Variants in NLRC3 observed in about 807,000 individuals in gnomAD.
NLRC3 encodes the protein NLR family CARD domain-containing protein 3.
In NLRC3, 87 loss-of-function variants were observed where a neutral mutation model predicts 91.6. The observed-to-expected ratio is 0.95, with a 90% confidence interval of 0.80 to 1.14. NLRC3 has a LOEUF of 1.14. Among genes scored for constraint, NLRC3 ranks in the 50% most tolerant of loss-of-function variants. The pLI is 0.00. For synonymous variants in NLRC3, 694 were observed against 625.3 expected, an observed-to-expected ratio of 1.11 and a Z score of -1.64; for missense variants, 1,577 against 1,418.6, an observed-to-expected ratio of 1.11 and a Z score of -1.79.
At chr16:3,553,623 C>T (rs997818097) in intron 9 of NLRC3, among the ~76,000 whole-genome samples, 5 of 152,076 alleles carry the variant, frequency 3.3e-5, no homozygotes, top group South Asian at 2.1e-4. Context: ...CCCGATGCAC[C>T]GTGCAGTCAG....
chr16:3,573,862 A>T (rs1226212983), intron 1 of NLRC3, among the ~76,000 whole-genome samples: 1 of 152,132 alleles, frequency 6.6e-6, no homozygotes. Flanking sequence ...TTTGTTGCCC[A>T]GGCTGGAGTG....
chr16:3,549,796 G>A lies in NLRC3; in HGVS notation c.2436-16C>T, dbSNP rs1596448406. On this transcript the variant is annotated splice_polypyrimidine_tract_variant and intron_variant, in intron 11 of 19. Coordinates refer to ENST00000359128, the MANE Select transcript of NLRC3 (RefSeq NM_178844.4). ...GCTCTGCAGGCTGCGGAAAGAGGAG[G>A]CGCCCTGGGTGTGGCTGTCCCAGGA... 6.5e-7 allele frequency: 1 copy of A among 1,545,182 alleles called. No individual in the cohort carries two copies. Among genetic ancestry groups the A allele is most frequent in the African/African-American group, 1.4e-5 (1 of 72,910 alleles).
intron 7 of NLRC3, among the ~76,000 whole-genome samples, chr16:3,557,355 G>A (rs557155362): frequency 1.9e-4 from 29 of 152,312 alleles, no homozygotes; most frequent in Non-Finnish European, 3.7e-4. Context: ...CACCAGGAAG[G>A]CATGTGCGCT....
chr16:3,555,406 C>G (rs534672750), intron 8 of NLRC3, among the ~76,000 whole-genome samples: 3 of 151,930 alleles, frequency 2.0e-5, no homozygotes, highest in Non-Finnish European at 4.4e-5. Flanking sequence ...AGATGGGAAG[C>G]AGATTGGTGA....
chr16:3,568,075 G>C (rs1348366010), intron 1 of NLRC3, among the ~76,000 whole-genome samples: 1 of 152,036 alleles, frequency 6.6e-6, no homozygotes, highest in Non-Finnish European at 1.5e-5. Flanking sequence ...CTTGCTCACC[G>C]GGCTGGTCTT....
intron 5 of NLRC3, 71 bp downstream of exon 5, chr16:3,562,938 G>T: frequency 7.5e-7 from 1 of 1,339,076 alleles, no homozygotes; most frequent in Non-Finnish European, 1.0e-6. Context: ...AAGCTTGGTG[G>T]TGGGGAGGGG....
In NLRC3 at chr16:3,563,366, C is replaced by A. The variant is rs764123592; in HGVS notation, c.1571G>T (p.Arg524Met). 6.3e-7 allele frequency: 1 copy of A among 1,587,790 alleles called. No homozygotes were observed. Among genetic ancestry groups the A allele is most frequent in the East Asian group, 2.3e-5 (1 of 43,552 alleles). The change falls in exon 5 of 20, where the codon AGG (arginine) becomes ATG (methionine). Residue 524 changes from arginine to methionine, a missense_variant. Arg to Met is a moderately conservative substitution (Grantham distance 91). Coordinates refer to ENST00000359128, the MANE Select transcript of NLRC3 (RefSeq NM_178844.4). ...GGAGCCGGCCAGGAGGGCATTGACC[C>A]TCGGAGACAAGAGGCCGGAGAGGAA... ...LRFLSGLLSP[R>M]VNALLAGSLL... is the part of the protein sequence containing the mutation.
rs2151078219 is a variant in NLRC3 at position 3,541,384 on chromosome 16, T to A, written c.*441A>T. On this transcript the variant is annotated 3_prime_UTR_variant, in exon 20 of 20. Coordinates refer to ENST00000359128, the MANE Select transcript of NLRC3 (RefSeq NM_178844.4). ...AAAGAAGGGTCCCCTCTGTTACCCC[T>A]ACCAAACGGATGCTCCTCACGGGCT... The A allele has an allele frequency of 6.3e-6, 1 of 159,006 alleles. No homozygotes were observed. Among genetic ancestry groups the A allele is most frequent in the East Asian group, 1.8e-4 (1 of 5,430 alleles). The allele number at this position is 159,006 out of a possible 1,614,324, so 9.8% of individuals were successfully genotyped here.
chr16:3,547,381 G>C (rs996181086), intron 15 of NLRC3, among the ~76,000 whole-genome samples: 2 of 152,158 alleles, frequency 1.3e-5, no homozygotes, highest in African/African-American at 4.8e-5. Flanking sequence ...AGATCATGGA[G>C]ATGGTAGATT....
chr16:3,562,556 G>A (rs1302818271), intron 5 of NLRC3, among the ~76,000 whole-genome samples: 4 of 152,090 alleles, frequency 2.6e-5, no homozygotes, highest in Non-Finnish European at 4.4e-5. Flanking sequence ...CAGGAGAATC[G>A]CTTGAACCCA....
rs191504941 is a variant in NLRC3 at position 3,568,896 on chromosome 16, C to T, written c.-168-1572G>A. Among the ~76,000 whole-genome samples, 258 of 152,084 alleles carry T rather than the reference C, an allele frequency of 1.7e-3. 4 individuals are homozygous for T. Among genetic ancestry groups the T allele is most frequent in the African/African-American group, 5.9e-3 (243 of 41,476 alleles). ...AGGTATTTTTAAAAACAGTTTTTGTCGTATGATGAATATTGTTGGTATAAA... is the reference window on the plus strand; with the variant it reads ...AGGTATTTTTAAAAACAGTTTTTGTTGTATGATGAATATTGTTGGTATAAA... On this transcript the variant is annotated intron_variant, in intron 1 of 19. Transcript: ENST00000359128.
intron 1 of NLRC3, among the ~76,000 whole-genome samples, chr16:3,573,596 G>C (rs1432049090): frequency 1.3e-5 from 2 of 152,194 alleles, no homozygotes; most frequent in Non-Finnish European, 2.9e-5. Context: ...CCTGTTGTTG[G>C]ATGTCCATGT....
Position 3,541,604 on chromosome 16 carries a change from C to T in NLRC3, c.*221G>A, listed in dbSNP as rs2038396189. On this transcript the variant is annotated 3_prime_UTR_variant, in exon 20 of 20. Transcript: ENST00000359128. ...GGGGTGGCCCCTCCCTTCTCTGTGC[C>T]ATAACAGAGTACCCGTCACCCCCTG... 3.5e-6 allele frequency: 2 copies of T among 574,174 alleles called. No individual in the cohort carries two copies. The highest frequency in any genetic ancestry group is 6.2e-6 in the Non-Finnish European group (2 of 322,022). The allele number at this position is 574,174 out of a possible 1,614,324, so 35.6% of individuals were successfully genotyped here. A position where few individuals can be genotyped will look rare whatever the true frequency, so the allele number is the denominator to read the frequency against.
chr16:3,555,110 A>G (rs971084577), intron 8 of NLRC3, among the ~76,000 whole-genome samples: 1 of 151,864 alleles, frequency 6.6e-6, no homozygotes, highest in Non-Finnish European at 1.5e-5. Context: ...CATGCCTGTA[A>G]TCCCAGCTAC....
At chr16:3,547,355 G>A (rs1040495965) in intron 15 of NLRC3, among the ~76,000 whole-genome samples, 2 of 152,116 alleles carry the variant, frequency 1.3e-5, no homozygotes, top group South Asian at 2.1e-4. Context: ...ATTTATATGC[G>A]GTGTCCAGGG....
At chr16:3,546,791 G>A (rs1406946515) in intron 15 of NLRC3, among the ~76,000 whole-genome samples, 2 of 152,112 alleles carry the variant, frequency 1.3e-5, no homozygotes, top group African/African-American at 4.8e-5. Flanking sequence ...GGGAGTCGTT[G>A]GGACTTTGAA....
In NLRC3 at chr16:3,561,627, C is replaced by T. The variant is rs534801196; in HGVS notation, c.2015+75G>A. The T allele has an allele frequency of 2.5e-5, 26 of 1,021,066 alleles. No homozygotes were observed. In the Admixed American group the frequency reaches 4.4e-4, roughly 17 times the overall value. 63.3% of individuals were successfully genotyped at this position (1,021,066 alleles called of 1,614,324 possible). A position where few individuals can be genotyped will look rare whatever the true frequency, so the allele number is the denominator to read the frequency against. Reference sequence around the variant, plus strand: ...GTGGCAGCGCCGCTGGCCAGCTGAGCAGAGGATGATGGGAAGAGGGTTCCA... The same window carrying T: ...GTGGCAGCGCCGCTGGCCAGCTGAGTAGAGGATGATGGGAAGAGGGTTCCA... On this transcript the variant is annotated intron_variant, in intron 6 of 19. Coordinates refer to ENST00000359128, the MANE Select transcript of NLRC3 (RefSeq NM_178844.4).
chr16:3,562,840 T>A, intron 5 of NLRC3, 169 bp downstream of exon 5: 1 of 726,994 alleles, frequency 1.4e-6, no homozygotes, highest in Non-Finnish European at 2.4e-6. Flanking sequence ...ACTTCTGGCC[T>A]CCAGAACTGC....
intron 10 of NLRC3, among the ~76,000 whole-genome samples, chr16:3,551,882 C>T (rs2039028366): frequency 6.6e-6 from 1 of 151,660 alleles, no homozygotes; most frequent in African/African-American, 2.4e-5. Flanking sequence ...TCCATCCACC[C>T]ACCCATATAC....
Sources: gnomAD v4.1 joint callset for allele counts (sites outside exome capture counted in the v4.1 genomes callset) on GRCh38, gnomAD v4.1.1 for gene constraint, MANE v1.5 for transcripts, NCBI Gene and HGNC (gene_info 2026-07-23, HGNC 2026-07-21) for gene names.